Variants in FMNL1 observed in about 807,000 individuals in gnomAD.
FMNL1 encodes the protein formin-like protein 1.
A neutral mutation model predicts 121.3 loss-of-function variants in FMNL1; 43 were observed. That is an observed-to-expected ratio of 0.35 (90% confidence interval 0.28 to 0.46). FMNL1 has a LOEUF of 0.46. Among genes scored for constraint, FMNL1 ranks in the 20% least tolerant of loss-of-function variants. The probability of loss-of-function intolerance (pLI) is 1.00; values close to 1 mark genes in which losing one functional copy is unlikely to be tolerated. For synonymous variants in FMNL1, 613 were observed against 613.5 expected (o/e 1.00, Z 0.01); for missense variants, 1,191 against 1,482.4 (o/e 0.80, Z 3.23).
chr17:45,236,367 C>T (rs1272390411), intron 7 of FMNL1, 123 bp downstream of exon 7: 24 of 749,726 alleles, frequency 3.2e-5, no homozygotes, highest in South Asian at 2.3e-4. Flanking sequence ...GGGGAACTTG[C>T]GCATCTGGGC....
At chr17:45,239,182 G>A (rs527581519) in intron 11 of FMNL1, 117 bp downstream of exon 11, 23 of 785,746 alleles carry the variant, frequency 2.9e-5, no homozygotes, top group South Asian at 2.5e-4. Flanking sequence ...TGGCTCTGCC[G>A]TTGCCTGCCG....
intron 16 of FMNL1, among the ~76,000 whole-genome samples, chr17:45,242,674 A>G (rs1291990691): frequency 6.6e-6 from 1 of 152,188 alleles, no homozygotes; most frequent in African/African-American, 2.4e-5. Flanking sequence ...CCATCCCTGC[A>G]GAGGGGTGCC....
Position 45,233,997 on chromosome 17 carries a change from C to T in FMNL1, c.486-75C>T. 2 of 1,563,800 alleles carry T rather than the reference C, an allele frequency of 1.3e-6. No homozygotes were observed. The highest frequency in any genetic ancestry group is 8.7e-7 in the Non-Finnish European group (1 of 1,153,886). Reference sequence around the variant, plus strand: ...TAGTCTCACCTGCAGGTCTGTCTCTCCTTGCGTTTCCTCTGCCCCCTCTTA... The same window carrying T: ...TAGTCTCACCTGCAGGTCTGTCTCTTCTTGCGTTTCCTCTGCCCCCTCTTA... On this transcript the variant is annotated intron_variant, in intron 5 of 26. Transcript: ENST00000331495. The surrounding 1 kb of genome is among the most constrained non-coding windows in gnomAD (Gnocchi z 4.1).
In FMNL1 at chr17:45,222,162, GC is replaced by G; in HGVS notation, c.42del (p.Ala15ProfsTer29). The stretch of plus-strand genomic sequence containing the variant: ...GCCGGCAGCGCCGAGCAGCCCGCGG[GC>G]CCCGCCGCGCCGCCCCCCAAGCAGC... ...NAAGSAEQPA[G>X]PAAPPPKQPA... On this transcript the variant is annotated frameshift_variant, in exon 1 of 27. Coordinates refer to ENST00000331495, the MANE Select transcript of FMNL1 (RefSeq NM_005892.4). LOFTEE classifies it high-confidence loss of function. 3 of 1,207,766 alleles carry G rather than the reference GC, an allele frequency of 2.5e-6. No individual in the cohort carries two copies. The highest frequency in any genetic ancestry group is 3.1e-6 in the Non-Finnish European group (3 of 974,164). 74.8% of individuals were successfully genotyped at this position (1,207,766 alleles called of 1,614,324 possible). A position where few individuals can be genotyped will look rare whatever the true frequency, so the allele number is the denominator to read the frequency against.
chr17:45,222,145 C>A lies in FMNL1; in HGVS notation c.21C>A (p.Ser7Arg). 8.4e-7 allele frequency: 1 copy of A among 1,190,264 alleles called. No individual in the cohort carries two copies. Among genetic ancestry groups the A allele is most frequent in the Non-Finnish European group, 1.0e-6 (1 of 964,138 alleles). The allele number at this position is 1,190,264 out of a possible 1,614,324, so 73.7% of individuals were successfully genotyped here. The change falls in exon 1 of 27, where the codon AGC becomes AGA. Residue 7 changes from serine (S) to arginine (R), a missense_variant. By Grantham distance (110) the Ser-to-Arg change is moderately radical. Coordinates refer to ENST00000331495, the MANE Select transcript of FMNL1 (RefSeq NM_005892.4). MGNAAG[S>R]AEQPAGPAAP... ...CCACCATGGGCAACGCGGCCGGCAG[C>A]GCCGAGCAGCCCGCGGGCCCCGCCG...
intron 2 of FMNL1, 107 bp downstream of exon 2, chr17:45,230,794 C>A: frequency 8.2e-7 from 1 of 1,217,160 alleles, no homozygotes; most frequent in Non-Finnish European, 1.2e-6. Flanking sequence ...GCCCATGGAG[C>A]CAAGACTCTG....
chr17:45,228,488 C>G (rs1435154084), intron 1 of FMNL1, among the ~76,000 whole-genome samples: 1 of 152,250 alleles, frequency 6.6e-6, no homozygotes, highest in East Asian at 1.9e-4. Flanking sequence ...CAGCTCTCCT[C>G]TTACTGGCTT....
intron 10 of FMNL1, 85 bp from the exon 11 acceptor site, chr17:45,238,870 G>T: frequency 8.2e-7 from 1 of 1,218,448 alleles, no homozygotes; most frequent in Non-Finnish European, 1.2e-6. Context: ...TGGAGAAGGA[G>T]GGAGGCTTGG....
Position 45,233,760 on chromosome 17 carries a change from C to G in FMNL1, c.485+29C>G, listed in dbSNP as rs764530496. On this transcript the variant is annotated intron_variant, in intron 5 of 26. Coordinates refer to ENST00000331495, the MANE Select transcript of FMNL1 (RefSeq NM_005892.4). This position sits in a 1 kb window ranked among gnomAD's most constrained non-coding sequence, Gnocchi z 4.1. ...AGCCCCCTGCTCCCAGCCCTCATGC[C>G]GCTCCTCAGAGCTTTGATCCCCGTC... The G allele has an allele frequency of 5.6e-6, 9 of 1,612,346 alleles. No individual in the cohort carries two copies. The South Asian group carries it at 6.6e-5, about 12-fold the overall frequency.
rs537501779 is a variant in FMNL1, at chr17:45,245,287, C to A, written c.2763C>A (p.Ser921=). ...ACAGTGTCCTGGCGGACGTGCGCTC[C>A]CTGCAGCGAGGCCTAGAGTTGACAC... ...SLDSVLADVR[S]LQRGLELTQR... The change falls in exon 22 of 27, where the codon TCC becomes TCA. Residue 921 remains serine (S), a synonymous_variant. Transcript: ENST00000331495. 6.2e-7 allele frequency: 1 copy of A among 1,614,186 alleles called. No homozygotes were observed.
Position 45,233,537 on chromosome 17 carries a change from G to C in FMNL1, c.402-111G>C. 1 of 1,245,754 alleles carries C rather than the reference G, an allele frequency of 8.0e-7. No homozygotes were observed. Among genetic ancestry groups the C allele is most frequent in the African/African-American group, 1.5e-5 (1 of 67,080 alleles). 77.2% of individuals were successfully genotyped at this position (1,245,754 alleles called of 1,614,324 possible). A position where few individuals can be genotyped will look rare whatever the true frequency, so the allele number is the denominator to read the frequency against. On this transcript the variant is annotated intron_variant, in intron 4 of 26. Coordinates refer to ENST00000331495, the MANE Select transcript of FMNL1 (RefSeq NM_005892.4). The surrounding 1 kb of genome is among the most constrained non-coding windows in gnomAD (Gnocchi z 4.1). ...CTCCCAGAATCCTTTGGTATCATTG[G>C]GTCTTTGGGGGTTGAAAGGGCACCC... is the stretch of plus-strand genomic sequence containing the variant.
At position 45,236,175 on chromosome 17, in the gene FMNL1, C is replaced by G; in HGVS notation, c.654C>G (p.Ser218=). 5.0e-6 allele frequency: 8 copies of G among 1,613,786 alleles called. No individual in the cohort carries two copies. Among genetic ancestry groups the G allele is most frequent in the Non-Finnish European group, 6.8e-6 (8 of 1,180,028 alleles). ...ACAGCAGGAAGGCCCTGCGGAATTC[C>G]CGCATCGTCAGCCAGAAGGACGACG... ...PAHSRKALRN[S]RIVSQKDDVH... The change falls in exon 7 of 27, where the codon TCC becomes TCG. Residue 218 remains serine, a synonymous_variant. Transcript: ENST00000331495.
chr17:45,222,610 G>A (rs547152060), intron 1 of FMNL1, among the ~76,000 whole-genome samples: 38 of 152,184 alleles, frequency 2.5e-4, no homozygotes, highest in Non-Finnish European at 5.0e-4. Context: ...CCGGGCGCGG[G>A]TCTGGGGCAT....
chr17:45,236,989 G>T lies in FMNL1; in HGVS notation c.724-292G>T, dbSNP rs374922960. On this transcript the variant is annotated intron_variant, in intron 7 of 26. Transcript: ENST00000331495. ...AAAAATCAGTTGAGTGTGGTGGCAG[G>T]TGCCTGTAATCCCAGCTACATGGGA... Among the ~76,000 whole-genome samples, 5 of 152,232 alleles carry T rather than the reference G, an allele frequency of 3.3e-5. No homozygotes were observed. The East Asian group carries it at 9.6e-4, about 29-fold the overall frequency.
At chr17:45,232,121 C>A (rs1272229517) in intron 2 of FMNL1, among the ~76,000 whole-genome samples, 1 of 152,008 alleles carries the variant, frequency 6.6e-6, no homozygotes, top group African/African-American at 2.4e-5. Context: ...CTCCAGTGAA[C>A]TATGTTCGTG....
At position 45,233,029 on chromosome 17, in the gene FMNL1, TATGGGGGAGC is replaced by T. The variant is rs1460401774; in HGVS notation, c.328-193_328-184del. On this transcript the variant is annotated intron_variant, in intron 3 of 26. Transcript: ENST00000331495. The surrounding 1 kb of genome is among the most constrained non-coding windows in gnomAD (Gnocchi z 4.1). ...GGTGTGTGTACCCTGCTTGTCTATG[TATGGGGGAGC>T]ACATGTAGCCTGTGAGTTCTTATTC... The T allele has an allele frequency of 1.5e-6, 1 of 676,116 alleles. No homozygotes were observed. The highest frequency in any genetic ancestry group is 2.7e-6 in the Non-Finnish European group (1 of 368,704). 41.9% of individuals were successfully genotyped at this position (676,116 alleles called of 1,614,324 possible).
chr17:45,229,314 C>G (rs1452840882), intron 1 of FMNL1, among the ~76,000 whole-genome samples: 4 of 152,244 alleles, frequency 2.6e-5, no homozygotes, highest in African/African-American at 9.6e-5. Flanking sequence ...GGGCCTGACC[C>G]AAGGCAGTGA....
At chr17:45,243,672 A>C (rs1019796951) in intron 17 of FMNL1, 119 bp from the exon 18 acceptor site, 9 of 997,160 alleles carry the variant, frequency 9.0e-6, no homozygotes, top group Non-Finnish European at 1.3e-5. Flanking sequence ...TGCTCTCTGA[A>C]GCTGTTGGCA....
intron 7 of FMNL1, 60 bp downstream of exon 7, chr17:45,236,304 A>G (rs2043549369): frequency 7.0e-7 from 1 of 1,420,948 alleles, no homozygotes; most frequent in Non-Finnish European, 9.8e-7. Flanking sequence ...ACTGGGGGCT[A>G]CACAAGCTGC....
Sources: gnomAD v4.1 joint callset for allele counts (sites outside exome capture counted in the v4.1 genomes callset) on GRCh38, gnomAD v4.1.1 for gene constraint, Gnocchi (gnomAD v3.1) non-coding constraint, MANE v1.5 for transcripts, NCBI Gene and HGNC (gene_info 2026-07-23, HGNC 2026-07-21) for gene names.